Variants in ITFG2 observed in about 807,000 individuals in gnomAD.
ITFG2 encodes the protein integrin alpha FG-GAP repeat containing 2, also known as KICSTOR complex protein ITFG2.
A neutral mutation model predicts 54.4 loss-of-function variants in ITFG2; 36 were observed. The ratio of observed to expected loss-of-function variants is 0.66; its 90% CI spans 0.51 to 0.87. ITFG2 has a LOEUF of 0.87. Ranked by LOEUF, ITFG2 falls within the 40% of genes least tolerant of loss-of-function variation. The probability of loss-of-function intolerance (pLI) is 0.00; values close to 1 mark genes in which losing one functional copy is unlikely to be tolerated. For missense variants in ITFG2, 524 were observed against 576.7 expected, an observed-to-expected ratio of 0.91 and a Z score of 0.94; for synonymous variants, 211 against 225.4, an observed-to-expected ratio of 0.94 and a Z score of 0.57.
At chr12:2,826,153 T>C (rs2097965723), downstream of ITFG2, 1 of 151,380 alleles carries the variant, frequency 6.6e-6, no homozygotes, top group Non-Finnish European at 1.5e-5. Context: ...CGGGTTCTTC[T>C]CTTCACAGTG....
At chr12:2,858,832 G>A in intron 3 of ITFG2, 1 of 1,614,210 alleles carries the variant, frequency 6.2e-7, no homozygotes, top group Non-Finnish European at 8.5e-7. Flanking sequence ...CCTGGCTTGG[G>A]GACGTCTATA....
At position 2,837,561 on chromosome 12, in the gene ITFG2, C is replaced by T. The variant is rs546762308; in HGVS notation, n.146+605C>T. Reference sequence around the variant, plus strand: ...CTGAGGCAGGAGAATTGCTTGAAGCCGGGAGGAGGAGGTTGCAGTGAGACA... The same window carrying T: ...CTGAGGCAGGAGAATTGCTTGAAGCTGGGAGGAGGAGGTTGCAGTGAGACA... On this transcript the variant is annotated intron_variant and non_coding_transcript_variant, in intron 1 of 3. Coordinates refer to the ITFG2 transcript ENST00000537710. Among the ~76,000 whole-genome samples the T allele has an allele frequency of 3.3e-5, 5 of 152,108 alleles. No individual in the cohort carries two copies. In the East Asian group the frequency reaches 5.8e-4, roughly 18 times the overall value.
At chr12:2,848,096 C>A (rs1451735199) in intron 2 of ITFG2, among the ~76,000 whole-genome samples, 1 of 152,212 alleles carries the variant, frequency 6.6e-6, no homozygotes, top group Non-Finnish European at 1.5e-5. Context: ...GGAATAGTGA[C>A]TTTTCCAAAG....
upstream of ITFG2, chr12:2,835,410 G>A (rs183657557): frequency 1.2e-4 from 22 of 178,766 alleles, 1 homozygote; most frequent in African/African-American, 4.1e-4. Flanking sequence ...GGGCTGGCGC[G>A]CAGGCCAGTA....
intron 2 of ITFG2, among the ~76,000 whole-genome samples, chr12:2,850,511 T>C (rs2098066692): frequency 1.3e-5 from 2 of 150,298 alleles, no homozygotes. Context: ...CCCCAGGTCA[T>C]GATAATGGGC....
chr12:2,821,594 A>C lies in ITFG2; in HGVS notation c.845A>C (p.Asp282Ala). 1 of 1,614,112 alleles carries C rather than the reference A, an allele frequency of 6.2e-7. No individual in the cohort carries two copies. The highest frequency in any genetic ancestry group is 8.5e-7 in the Non-Finnish European group (1 of 1,180,010). ...GSGLFALCTLDGTLKLMEEME... is the reference protein window; with the variant it reads ...GSGLFALCTLAGTLKLMEEME... ...GGCCTCTTTGCCCTGTGCACCCTGGATGGTGAGCAATGCTAGGATGGGGTG... is the reference window on the plus strand; with the variant it reads ...GGCCTCTTTGCCCTGTGCACCCTGGCTGGTGAGCAATGCTAGGATGGGGTG... Residue 282 changes from aspartate (D) to alanine (A), a missense_variant and splice_region_variant, in exon 8 of 12, where the codon GAT (aspartate) becomes GCT (alanine). Transcript: ENST00000228799.
intron 2 of ITFG2, chr12:2,849,394 A>G: frequency 6.5e-7 from 1 of 1,536,174 alleles, no homozygotes; most frequent in Non-Finnish European, 8.7e-7. Flanking sequence ...GGCCAGCTTT[A>G]GCACCTTCTC....
intron 2 of ITFG2, among the ~76,000 whole-genome samples, chr12:2,856,163 A>G (rs927283706): frequency 3.9e-5 from 6 of 152,140 alleles, no homozygotes; most frequent in African/African-American, 1.2e-4. Flanking sequence ...CATCTCAAAG[A>G]TGCAGAAAGC....
rs1040833446 is a variant in ITFG2, at chr12:2,820,576, C to G, written c.547-148C>G. The G allele has an allele frequency of 5.4e-6, 4 of 736,274 alleles. No homozygotes were observed. In the African/African-American group the frequency reaches 7.1e-5, roughly 13 times the overall value. 45.6% of individuals were successfully genotyped at this position (736,274 alleles called of 1,614,324 possible). A position where few individuals can be genotyped will look rare whatever the true frequency, so the allele number is the denominator to read the frequency against. ...TGGAAACTCGAAATCCTTCCTCCTG[C>G]TGCTACCCTTGAAGCCCAGAGGGCT... On this transcript the variant is annotated intron_variant, in intron 5 of 11. Coordinates refer to ENST00000228799, the MANE Select transcript of ITFG2 (RefSeq NM_018463.4).
chr12:2,823,037 A>T, intron 10 of ITFG2, 126 bp downstream of exon 10: 1 of 709,558 alleles, frequency 1.4e-6, no homozygotes, highest in Middle Eastern at 2.5e-4. Context: ...GTCTTCATTC[A>T]CCAGTGAGTT....
chr12:2,834,890 C>G (rs1170400589), upstream of ITFG2: 18 of 1,613,780 alleles, frequency 1.1e-5, no homozygotes, highest in Non-Finnish European at 1.2e-5. Context: ...ACCGAGTCCT[C>G]TCTGCTTCTT....
At chr12:2,823,580 G>A (rs534744953) in intron 10 of ITFG2, among the ~76,000 whole-genome samples, 190 bp from the exon 11 acceptor site, 1 of 152,318 alleles carries the variant, frequency 6.6e-6, no homozygotes, top group East Asian at 1.9e-4. Flanking sequence ...TACATCTGAA[G>A]TGAGCCAGGT....
chr12:2,814,118 A>T (rs189535723), intron 1 of ITFG2, among the ~76,000 whole-genome samples: 9 of 152,096 alleles, frequency 5.9e-5, no homozygotes, highest in Non-Finnish European at 1.0e-4. Flanking sequence ...TAATTTTTTT[A>T]AAGTTTTGTA....
intron 2 of ITFG2, among the ~76,000 whole-genome samples, chr12:2,842,062 A>G (rs1236002060): frequency 6.6e-6 from 1 of 150,910 alleles, no homozygotes; most frequent in Non-Finnish European, 1.5e-5. Context: ...TAAAATACAT[A>G]AAAACAATAA....
At chr12:2,830,743 T>C (rs766792969) in intron 2 of ITFG2, 1 of 1,613,776 alleles carries the variant, frequency 6.2e-7, no homozygotes, top group South Asian at 1.1e-5. Flanking sequence ...ATCTCTGTCC[T>C]GCTGGTCTTC....
chr12:2,827,800 A>G, downstream of ITFG2: 1 of 1,603,508 alleles, frequency 6.2e-7, no homozygotes, highest in Non-Finnish European at 8.5e-7. The surrounding 1 kb of genome is among the most constrained non-coding windows in gnomAD (Gnocchi z 4.0). Flanking sequence ...TGGCACAGAG[A>G]TGGGGGATAG....
Position 2,857,239 on chromosome 12 carries a change from G to A in ITFG2, n.301-773G>A, listed in dbSNP as rs542904216. ...ATAGCACTTTCTTCAAGTTCTGACT[G>A]CAAAAAACTGTAACAGGAGCTGCTG... On this transcript the variant is annotated intron_variant and non_coding_transcript_variant, in intron 2 of 3. Transcript: ENST00000537710. The A allele has an allele frequency of 9.4e-4, 546 of 580,268 alleles. 2 individuals carry two copies. Among genetic ancestry groups the A allele is most frequent in the Middle Eastern group, 3.2e-3 (7 of 2,176 alleles). 35.9% of individuals were successfully genotyped at this position (580,268 alleles called of 1,614,324 possible).
chr12:2,853,685 G>GA (rs2098078524), intron 2 of ITFG2, among the ~76,000 whole-genome samples: 1 of 152,034 alleles, frequency 6.6e-6, no homozygotes, highest in Non-Finnish European at 1.5e-5. Flanking sequence ...CTTGGGATTG[G>GA]AATTTGAGAC....
At chr12:2,830,712 C>T (rs1373869234) in intron 2 of ITFG2, 5 of 1,610,194 alleles carry the variant, frequency 3.1e-6, no homozygotes, top group East Asian at 2.2e-5. Flanking sequence ...TCTCACCTTG[C>T]AGTTGACCAG....
Sources: allele counts gnomAD v4.1 joint callset (sites outside exome capture counted in the v4.1 genomes callset), GRCh38; gene constraint gnomAD v4.1.1; non-coding constraint Gnocchi (gnomAD v3.1); transcripts MANE v1.5; gene names NCBI Gene and HGNC (gene_info 2026-07-23, HGNC 2026-07-21).